The following AK5 variants were observed in gnomAD, a reference collection of about 807,000 sequenced individuals.
AK5 encodes adenylate kinase 5, also known as adenylate kinase isoenzyme 5.
AK5 carries 27 observed loss-of-function variants against 69.5 expected under a neutral mutation model. That is an observed-to-expected ratio of 0.39 (90% CI 0.29 to 0.54). The LOEUF is 0.54. AK5 is among the 20% of genes least tolerant of loss of function. The probability of loss-of-function intolerance (pLI) is 0.71; values close to 1 mark genes in which losing one functional copy is unlikely to be tolerated. For missense variants in AK5, 531 were observed against 700.4 expected, an observed-to-expected ratio of 0.76 and a Z score of 2.73; for synonymous variants, 260 against 244.4, an observed-to-expected ratio of 1.06 and a Z score of -0.60.
At chr1:77,468,028 A>T (rs1010269325) in intron 8 of AK5, among the ~76,000 whole-genome samples, 1 of 152,222 alleles carries the variant, frequency 6.6e-6, no homozygotes, top group African/African-American at 2.4e-5. Flanking sequence ...AGAGGGGCTT[A>T]AGTGCTGGGG....
At chr1:77,358,018 T>TGTGTGTGTGTGTGTGTGAGAGAGA (rs762714026) in intron 6 of AK5, among the ~76,000 whole-genome samples, 7 of 128,254 alleles carry the variant, frequency 5.5e-5, no homozygotes, top group East Asian at 2.5e-4. Context: ...TGTGTGTGTG[T>TGTGTGTGTGTGTGTGTGAGAGAGA]GAGAGAGAGA....
chr1:77,458,018 C>T (rs1171992585), intron 8 of AK5, among the ~76,000 whole-genome samples: 1 of 151,046 alleles, frequency 6.6e-6, no homozygotes, highest in African/African-American at 2.4e-5. Context: ...AAGAGGATCA[C>T]TGGAGCCTAG....
chr1:77,433,162 TAGG>T (rs1487494187), intron 8 of AK5, among the ~76,000 whole-genome samples: 1 of 152,164 alleles, frequency 6.6e-6, no homozygotes, highest in Admixed American at 6.5e-5. Flanking sequence ...TGAAGAAAAT[TAGG>T]AGAATTCAGG....
intron 5 of AK5, among the ~76,000 whole-genome samples, chr1:77,334,911 C>T (rs1409614061): frequency 6.6e-6 from 1 of 152,196 alleles, no homozygotes; most frequent in Non-Finnish European, 1.5e-5. Flanking sequence ...GTTGAAAGCT[C>T]TGTCCAGAAA....
intron 10 of AK5, among the ~76,000 whole-genome samples, chr1:77,517,566 G>A (rs1243395219): frequency 1.3e-5 from 2 of 152,084 alleles, no homozygotes; most frequent in East Asian, 3.8e-4. Context: ...TACCTAAAAT[G>A]TTTAGAATAA....
At chr1:77,481,121 G>A (rs1470012814) in intron 8 of AK5, among the ~76,000 whole-genome samples, 3 of 152,236 alleles carry the variant, frequency 2.0e-5, no homozygotes, top group African/African-American at 7.2e-5. Context: ...GTGAGCAGAG[G>A]AGAGGGGATG....
At chr1:77,372,907 C>T (rs1463548991) in intron 6 of AK5, among the ~76,000 whole-genome samples, 3 of 152,040 alleles carry the variant, frequency 2.0e-5, no homozygotes, top group Non-Finnish European at 4.4e-5. Flanking sequence ...CTTCAGTGGC[C>T]GCCTTGTATT....
At chr1:77,417,775 T>A (rs1260156951) in intron 8 of AK5, 60 bp downstream of exon 8, 2 of 1,063,000 alleles carry the variant, frequency 1.9e-6, no homozygotes, top group Non-Finnish European at 2.8e-6. Flanking sequence ...CCTTTGTAAA[T>A]GTTTTATGAA....
At chr1:77,404,784 G>A (rs900290728) in intron 6 of AK5, among the ~76,000 whole-genome samples, 10 of 152,148 alleles carry the variant, frequency 6.6e-5, no homozygotes, top group African/African-American at 1.9e-4. Flanking sequence ...ATGGCTCTAC[G>A]TTTGTATGTC....
At chr1:77,361,706 G>A (rs187010362) in intron 6 of AK5, among the ~76,000 whole-genome samples, 138 of 152,184 alleles carry the variant, frequency 9.1e-4, no homozygotes, top group African/African-American at 3.2e-3. Context: ...GCAAAGAGGA[G>A]CAAGTCACAT....
At chr1:77,294,776 A>G (rs910070184) in intron 3 of AK5, among the ~76,000 whole-genome samples, 2 of 152,154 alleles carry the variant, frequency 1.3e-5, no homozygotes, top group Non-Finnish European at 2.9e-5. Context: ...AATATTTTTG[A>G]AAAATTCCTT....
intron 12 of AK5, among the ~76,000 whole-genome samples, chr1:77,533,790 C>G (rs1658804376): frequency 6.6e-6 from 1 of 152,070 alleles, no homozygotes. Flanking sequence ...GAAAATAACC[C>G]CACAATTGGA....
intron 6 of AK5, among the ~76,000 whole-genome samples, chr1:77,345,261 G>A (rs772268598): frequency 4.6e-5 from 7 of 152,176 alleles, no homozygotes; most frequent in Non-Finnish European, 1.0e-4. Flanking sequence ...GAGGTAAGCT[G>A]TGGTCACAGG....
At chr1:77,411,105 C>T (rs371437340) in intron 7 of AK5, 34 bp downstream of exon 7, 11 of 1,561,870 alleles carry the variant, frequency 7.0e-6, no homozygotes, top group South Asian at 2.3e-5. Flanking sequence ...AACAGTACGC[C>T]GTGATCACCT....
At chr1:77,511,800 G>A (rs1025904885) in intron 10 of AK5, among the ~76,000 whole-genome samples, 2 of 152,206 alleles carry the variant, frequency 1.3e-5, no homozygotes, top group African/African-American at 4.8e-5. Flanking sequence ...GTAGGGCAAA[G>A]GATTCAAAGT....
intron 8 of AK5, among the ~76,000 whole-genome samples, chr1:77,429,365 C>T (rs1343479970): frequency 6.6e-6 from 1 of 152,114 alleles, no homozygotes; most frequent in African/African-American, 2.4e-5. Context: ...ATGATGAGCA[C>T]TTTTTCATGT....
chr1:77,481,967 A>G (rs74915093), intron 8 of AK5, among the ~76,000 whole-genome samples: 1,552 of 152,312 alleles, frequency 0.01, 35 homozygotes, highest in East Asian at 0.079. Flanking sequence ...GCAACTGATG[A>G]TATTTGGTAC....
chr1:77,317,833 C>G (rs1660319764), intron 5 of AK5, among the ~76,000 whole-genome samples: 1 of 152,212 alleles, frequency 6.6e-6, no homozygotes, highest in Non-Finnish European at 1.5e-5. Context: ...TGTCCAGTCT[C>G]CCTGAGAGAA....
intron 13 of AK5, among the ~76,000 whole-genome samples, chr1:77,538,273 A>C (rs555686682): frequency 6.6e-6 from 1 of 151,706 alleles, no homozygotes; most frequent in Non-Finnish European, 1.5e-5. Context: ...TGGGAGGTCA[A>C]GGCTGCAGTT....
Sources: allele counts gnomAD v4.1 joint callset (sites outside exome capture counted in the v4.1 genomes callset), GRCh38; gene constraint gnomAD v4.1.1; transcripts MANE v1.5; gene names NCBI Gene and HGNC (gene_info 2026-07-23, HGNC 2026-07-21).